Variants in RBMS1 observed in about 807,000 individuals in gnomAD.
The protein encoded by RBMS1 is RNA-binding motif, single-stranded-interacting protein 1.
Under a neutral mutation model 62.3 loss-of-function variants are expected in RBMS1, and 17 were observed. The observed-to-expected ratio is 0.27, with a 90% CI of 0.19 to 0.41. RBMS1 has a LOEUF of 0.41. RBMS1 is among the 10% of genes least tolerant of loss of function. The pLI is 1.00. For missense variants in RBMS1, 334 were observed against 504.5 expected (o/e 0.66, Z 3.24); for synonymous variants, 172 against 170.0 (o/e 1.01, Z -0.09).
intron 1 of RBMS1, among the ~76,000 whole-genome samples, chr2:160,481,029 C>G (rs1435338709): frequency 6.7e-6 from 1 of 149,304 alleles, no homozygotes; most frequent in Non-Finnish European, 1.5e-5. Flanking sequence ...TGCAGTGAGC[C>G]TAGATCACGC....
chr2:160,365,710 T>G (rs1366631339), intron 2 of RBMS1, among the ~76,000 whole-genome samples: 1 of 152,224 alleles, frequency 6.6e-6, no homozygotes, highest in African/African-American at 2.4e-5. Context: ...CTCATGAATT[T>G]GAGAGTTACG....
rs368980123 is a variant in RBMS1 at position 160,407,324 on chromosome 2, C to G, written c.76-39933G>C. The G allele has an allele frequency of 3.3e-5, 32 of 982,170 alleles. No individual in the cohort carries two copies. In the East Asian group the frequency reaches 2.4e-3, roughly 74 times the overall value. The allele number at this position is 982,170 out of a possible 1,614,324, so 60.8% of individuals were successfully genotyped here. On this transcript the variant is annotated intron_variant, in intron 1 of 13. Coordinates refer to ENST00000348849, the MANE Select transcript of RBMS1 (RefSeq NM_016836.4). ...TCCCCTGCTCAGGTCGCCGGCCGAG[C>G]AGTCCCCGCGGCCGCCTTCCTGGGA...
chr2:160,444,144 G>A (rs1346555693), intron 1 of RBMS1, among the ~76,000 whole-genome samples: 1 of 152,186 alleles, frequency 6.6e-6, no homozygotes, highest in Admixed American at 6.5e-5. Flanking sequence ...AAACCAGTGT[G>A]TGTGTGTGCG....
intron 1 of RBMS1, among the ~76,000 whole-genome samples, chr2:160,483,038 T>C (rs1685432495): frequency 6.6e-6 from 1 of 151,772 alleles, no homozygotes; most frequent in African/African-American, 2.4e-5. Context: ...TCACCCACTG[T>C]CATTTTAAAT....
At chr2:160,286,932 C>A in intron 7 of RBMS1, 37 bp downstream of exon 7, 1 of 1,608,988 alleles carries the variant, frequency 6.2e-7, no homozygotes, top group Non-Finnish European at 8.5e-7. Context: ...GATCACACCC[C>A]CTCCCCCACC....
intron 2 of RBMS1, among the ~76,000 whole-genome samples, chr2:160,326,837 A>T (rs1281726472): frequency 1.3e-5 from 2 of 152,254 alleles, no homozygotes; most frequent in Non-Finnish European, 2.9e-5. Context: ...TAAATGCTTA[A>T]CTTGACATCT....
intron 1 of RBMS1, among the ~76,000 whole-genome samples, chr2:160,481,690 T>C (rs1017845549): frequency 3.9e-5 from 6 of 152,136 alleles, no homozygotes; most frequent in Non-Finnish European, 8.8e-5. Flanking sequence ...TAAAAAATGA[T>C]CAAAAAATTT....
intron 1 of RBMS1, among the ~76,000 whole-genome samples, chr2:160,400,508 T>C (rs1273548648): frequency 6.6e-6 from 1 of 152,096 alleles, no homozygotes; most frequent in Non-Finnish European, 1.5e-5. Context: ...AGAAATTAAA[T>C]GTGGAGAAAA....
At chr2:160,313,806 T>C (rs532882689) in intron 3 of RBMS1, among the ~76,000 whole-genome samples, 13 of 152,274 alleles carry the variant, frequency 8.5e-5, no homozygotes, top group African/African-American at 3.1e-4. Context: ...TTTCTTAAAA[T>C]ACAGCTCATC....
chr2:160,291,150 C>A (rs1344357395), intron 6 of RBMS1, among the ~76,000 whole-genome samples: 1 of 152,210 alleles, frequency 6.6e-6, no homozygotes, highest in East Asian at 1.9e-4. Flanking sequence ...GAGTTTGTAA[C>A]AGAACTGATC....
chr2:160,325,438 T>C (rs1690868168), intron 2 of RBMS1, among the ~76,000 whole-genome samples: 1 of 152,080 alleles, frequency 6.6e-6, no homozygotes, highest in Non-Finnish European at 1.5e-5. Flanking sequence ...ATTTGAGGAC[T>C]ACAAATCTAT....
chr2:160,485,935 ATGTC>A (rs1685583966), intron 1 of RBMS1, among the ~76,000 whole-genome samples: 1 of 152,168 alleles, frequency 6.6e-6, no homozygotes, highest in Non-Finnish European at 1.5e-5. Context: ...CTTTTTATAA[ATGTC>A]TGCATTTGTC....
intron 1 of RBMS1, chr2:160,407,757 G>A (rs1695832997): frequency 2.0e-6 from 2 of 981,208 alleles, no homozygotes; most frequent in African/African-American, 3.5e-5. Flanking sequence ...GGCAGCGGGC[G>A]AGACTCGAGC....
chr2:160,481,489 A>G (rs1685370275), intron 1 of RBMS1, among the ~76,000 whole-genome samples: 1 of 151,222 alleles, frequency 6.6e-6, no homozygotes, highest in Non-Finnish European at 1.5e-5. Flanking sequence ...TATTAAAACT[A>G]TCAATCAGAG....
intron 1 of RBMS1, among the ~76,000 whole-genome samples, chr2:160,384,908 G>A (rs1694487848): frequency 6.6e-6 from 1 of 152,198 alleles, no homozygotes; most frequent in South Asian, 2.1e-4. Flanking sequence ...GATCCCTCAT[G>A]AGTGGCTTAA....
intron 2 of RBMS1, among the ~76,000 whole-genome samples, chr2:160,341,194 C>CA (rs1411691705): frequency 6.6e-6 from 1 of 152,026 alleles, no homozygotes; most frequent in Non-Finnish European, 1.5e-5. Context: ...TTTTTCATGT[C>CA]ATTAAATATT....
At chr2:160,288,815 T>C (rs1688537873) in intron 6 of RBMS1, among the ~76,000 whole-genome samples, 2 of 152,206 alleles carry the variant, frequency 1.3e-5, no homozygotes, top group African/African-American at 2.4e-5. Flanking sequence ...GGTCCTAGAC[T>C]GAAATTTAAC....
At chr2:160,476,046 T>C (rs955643326) in intron 1 of RBMS1, among the ~76,000 whole-genome samples, 3 of 152,032 alleles carry the variant, frequency 2.0e-5, no homozygotes, top group African/African-American at 7.2e-5. Flanking sequence ...TTTGTAGAGA[T>C]GGGGTTTTGC....
chr2:160,410,369 C>T (rs1236279318), intron 1 of RBMS1, among the ~76,000 whole-genome samples: 4 of 151,460 alleles, frequency 2.6e-5, no homozygotes, highest in Non-Finnish European at 5.9e-5. Context: ...CAATGTCCAC[C>T]GGGGTTCAAA....
Sources: allele counts gnomAD v4.1 joint callset (sites outside exome capture counted in the v4.1 genomes callset), GRCh38; gene constraint gnomAD v4.1.1; transcripts MANE v1.5; gene names NCBI Gene and HGNC (gene_info 2026-07-23, HGNC 2026-07-21).